Variants in GPC5 observed in about 807,000 individuals in gnomAD.
GPC5 encodes glypican 5.
A neutral mutation model predicts 53.9 loss-of-function variants in GPC5; 47 were observed. The ratio of observed to expected loss-of-function variants is 0.87; its 90% confidence interval spans 0.69 to 1.11. The LOEUF is 1.11. GPC5 is among the 50% of genes most tolerant of loss of function. The pLI, the probability that GPC5 is intolerant of heterozygous loss-of-function variation, is 0.00. For missense variants in GPC5, 748 were observed against 713.1 expected (o/e 1.05, Z -0.56); for synonymous variants, 286 against 263.3 (o/e 1.09, Z -0.84).
intron 7 of GPC5, among the ~76,000 whole-genome samples, chr13:92,831,570 A>C (rs1594535756): frequency 6.6e-6 from 1 of 152,174 alleles, no homozygotes; most frequent in African/African-American, 2.4e-5. Context: ...GACATCATAG[A>C]ATCATAGAGA....
intron 7 of GPC5, among the ~76,000 whole-genome samples, chr13:92,535,186 T>C (rs534493831): frequency 3.3e-5 from 5 of 152,164 alleles, no homozygotes; most frequent in Non-Finnish European, 5.9e-5. Flanking sequence ...CCTATGGTGC[T>C]GTGGCCTCTC....
At chr13:91,659,757 C>A (rs2034939269) in intron 2 of GPC5, among the ~76,000 whole-genome samples, 1 of 152,206 alleles carries the variant, frequency 6.6e-6, no homozygotes, top group Non-Finnish European at 1.5e-5. Context: ...CCCACCGCCT[C>A]CACCATGATC....
chr13:92,078,725 C>T (rs914291993), intron 6 of GPC5, among the ~76,000 whole-genome samples: 2 of 152,136 alleles, frequency 1.3e-5, no homozygotes, highest in African/African-American at 2.4e-5. Flanking sequence ...TTAAGAATAC[C>T]CACTAGTAGT....
intron 7 of GPC5, among the ~76,000 whole-genome samples, chr13:92,400,961 G>A (rs762842817): frequency 1.3e-5 from 2 of 151,900 alleles, no homozygotes; most frequent in Non-Finnish European, 2.9e-5. Context: ...ACAAATCCTA[G>A]GTATGTTCTG....
At chr13:91,904,240 T>C (rs1192479444) in intron 5 of GPC5, among the ~76,000 whole-genome samples, 1 of 149,156 alleles carries the variant, frequency 6.7e-6, no homozygotes, top group East Asian at 2.0e-4. Flanking sequence ...TGTGGTGTGA[T>C]CACAGCTCAC....
At chr13:92,052,273 C>T (rs1403461814) in intron 6 of GPC5, among the ~76,000 whole-genome samples, 1 of 152,156 alleles carries the variant, frequency 6.6e-6, no homozygotes, top group Non-Finnish European at 1.5e-5. Flanking sequence ...GGGTTGGTTC[C>T]TTCTGGTGGG....
intron 6 of GPC5, among the ~76,000 whole-genome samples, chr13:92,136,014 ATGTT>A (rs1566450718): frequency 6.6e-6 from 1 of 152,208 alleles, no homozygotes; most frequent in Non-Finnish European, 1.5e-5. Flanking sequence ...TTTGTAAAAT[ATGTT>A]TGTAATCATG....
intron 1 of GPC5, among the ~76,000 whole-genome samples, chr13:91,413,354 TA>T (rs35283458): frequency 2.3e-4 from 34 of 146,270 alleles, no homozygotes; most frequent in East Asian, 1.8e-3. Flanking sequence ...TGGCCCCACT[TA>T]AAAAAAAAAA....
In GPC5 at chr13:92,511,870, T is replaced by G. The variant is rs1169155515; in HGVS notation, c.1562-354412T>G. On this transcript the variant is annotated intron_variant, in intron 7 of 7. Transcript: ENST00000377067. ...ACTTTACCTGTGATCATTTTCCATC[T>G]CAGTAGGTTATGCTTGTTATATGGT... is the stretch of plus-strand genomic sequence containing the variant. Among the ~76,000 whole-genome samples the G allele has an allele frequency of 5.3e-5, 8 of 152,108 alleles. No individual in the cohort carries two copies. In the East Asian group the frequency reaches 7.7e-4, roughly 15 times the overall value.
chr13:91,409,539 A>G (rs1877571253), intron 1 of GPC5, among the ~76,000 whole-genome samples: 1 of 152,264 alleles, frequency 6.6e-6, no homozygotes, highest in African/African-American at 2.4e-5. Flanking sequence ...AATATCTTAC[A>G]TAAGGAAAAC....
chr13:91,772,003 T>C lies in GPC5; in HGVS notation c.1280+15583T>C, dbSNP rs187533390. Among the ~76,000 whole-genome samples, 558 of 152,214 alleles carry C rather than the reference T, an allele frequency of 3.7e-3. 1 individual carries two copies. Among genetic ancestry groups the C allele is most frequent in the Non-Finnish European group, 6.0e-3 (411 of 67,994 alleles). ...GTTACTGCACTGTCCTACCAGTGGA[T>C]TGGAGATTAAAGAGTGGAAGTGGAC... On this transcript the variant is annotated intron_variant, in intron 5 of 7. Transcript: ENST00000377067.
intron 7 of GPC5, among the ~76,000 whole-genome samples, chr13:92,310,786 CTGTT>C (rs1347331085): frequency 6.6e-6 from 1 of 152,184 alleles, no homozygotes; most frequent in Non-Finnish European, 1.5e-5. Context: ...ATTGTAAAAA[CTGTT>C]TAACTTACAC....
intron 6 of GPC5, among the ~76,000 whole-genome samples, chr13:92,026,254 T>C (rs1594730906): frequency 6.6e-6 from 1 of 152,000 alleles, no homozygotes; most frequent in Non-Finnish European, 1.5e-5. Context: ...TAATAATGTA[T>C]AGTTTCTTTA....
At chr13:92,347,074 A>G (rs2043419048) in intron 7 of GPC5, among the ~76,000 whole-genome samples, 1 of 152,188 alleles carries the variant, frequency 6.6e-6, no homozygotes, top group South Asian at 2.1e-4. Context: ...AAACTTACAC[A>G]ATAGAAGTTG....
Position 92,692,225 on chromosome 13 carries a change from C to T in GPC5, c.1562-174057C>T, listed in dbSNP as rs538465705. 2.0e-5 allele frequency among the ~76,000 whole-genome samples: 3 copies of T among 152,168 alleles called. No homozygotes were observed. In the East Asian group the frequency reaches 5.8e-4, roughly 29 times the overall value. ...CATGACTTCATTTTTTTTATGGCTGCATAGTATTACATGGTGTACCTACAC... is the reference window on the plus strand; with the variant it reads ...CATGACTTCATTTTTTTTATGGCTGTATAGTATTACATGGTGTACCTACAC... On this transcript the variant is annotated intron_variant, in intron 7 of 7. Transcript: ENST00000377067.
chr13:91,639,208 ATATAAGTG>A (rs1414220832), intron 2 of GPC5, among the ~76,000 whole-genome samples: 1 of 152,212 alleles, frequency 6.6e-6, no homozygotes, highest in African/African-American at 2.4e-5. Context: ...AGGTAAACAG[ATATAAGTG>A]TATTGAGTTG....
chr13:92,497,458 T>C (rs569424017), intron 7 of GPC5, among the ~76,000 whole-genome samples: 30 of 152,304 alleles, frequency 2.0e-4, no homozygotes, highest in Admixed American at 4.6e-4. Context: ...GTTCCATTGG[T>C]CTATATGTCT....
At chr13:92,743,384 T>G (rs951596090) in intron 7 of GPC5, among the ~76,000 whole-genome samples, 1 of 152,164 alleles carries the variant, frequency 6.6e-6, no homozygotes, top group African/African-American at 2.4e-5. Flanking sequence ...TGGCTCTCTG[T>G]TTGTCTGTTA....
rs1888677263 is a variant in GPC5, at chr13:92,727,440, G to A, written c.1562-138842G>A. On this transcript the variant is annotated intron_variant, in intron 7 of 7. Transcript: ENST00000377067. ...TTTTGTCAGTCCAGATGTTGAAGTT[G>A]TTCAAAATGCTTTTCCTTTGCCTCA... Among the ~76,000 whole-genome samples, 3 of 151,486 alleles carry A rather than the reference G, an allele frequency of 2.0e-5. No homozygotes were observed. In the South Asian group the frequency reaches 6.2e-4, roughly 31 times the overall value.
Sources: gnomAD v4.1 joint callset for allele counts (sites outside exome capture counted in the v4.1 genomes callset) on GRCh38, gnomAD v4.1.1 for gene constraint, MANE v1.5 for transcripts, NCBI Gene and HGNC (gene_info 2026-07-23, HGNC 2026-07-21) for gene names.